SRRM4: variants seen among roughly 807,000 people sequenced by gnomAD.
SRRM4 encodes the protein serine/arginine repetitive matrix 4.
A neutral mutation model predicts 68.9 loss-of-function variants in SRRM4; 33 were observed. The observed-to-expected ratio is 0.48, with a 90% CI of 0.36 to 0.64. The LOEUF is 0.64. Among genes scored for constraint, SRRM4 ranks in the 30% least tolerant of loss-of-function variants. The pLI, the probability that SRRM4 is intolerant of heterozygous loss-of-function variation, is 0.00. For synonymous variants in SRRM4, 318 were observed against 318.8 expected (o/e 1.00, Z 0.03); for missense variants, 817 against 827.1 (o/e 0.99, Z 0.15).
At position 119,046,228 on chromosome 12, in the gene SRRM4, T is replaced by C. The variant is rs534564654; in HGVS notation, c.132-56008T>C. 7.2e-5 allele frequency among the ~76,000 whole-genome samples: 11 copies of C among 152,110 alleles called. No individual in the cohort carries two copies. The South Asian group carries it at 2.3e-3, about 32-fold the overall frequency. The stretch of plus-strand genomic sequence containing the variant: ...AGCAGTGGTCCTATCTTCACCCTCA[T>C]CAAAGAGCTTTTGCAGTGGGCCCCT... On this transcript the variant is annotated intron_variant, in intron 1 of 12. Coordinates refer to ENST00000267260, the MANE Select transcript of SRRM4 (RefSeq NM_194286.4).
chr12:119,020,309 C>T (rs1049834770), intron 1 of SRRM4, among the ~76,000 whole-genome samples: 4 of 152,098 alleles, frequency 2.6e-5, no homozygotes, highest in Admixed American at 1.3e-4. Flanking sequence ...TTTCCCTGTA[C>T]CCAACATACA....
At chr12:119,068,385 A>C (rs1321378140) in intron 1 of SRRM4, among the ~76,000 whole-genome samples, 1 of 152,190 alleles carries the variant, frequency 6.6e-6, no homozygotes, top group Non-Finnish European at 1.5e-5. Flanking sequence ...GCTGCAGGAC[A>C]AAAAGGGAGC....
intron 1 of SRRM4, among the ~76,000 whole-genome samples, chr12:119,079,773 C>T (rs1310710718): frequency 6.6e-6 from 1 of 152,134 alleles, no homozygotes; most frequent in East Asian, 1.9e-4. Flanking sequence ...ATCCTTTCCA[C>T]CCATGAAACT....
intron 1 of SRRM4, among the ~76,000 whole-genome samples, chr12:119,044,187 C>T (rs1461397700): frequency 6.6e-6 from 1 of 152,232 alleles, no homozygotes; most frequent in Non-Finnish European, 1.5e-5. Context: ...ACTTCTAACA[C>T]TAGGGTGGCA....
chr12:118,998,167 C>T (rs1953360684), intron 1 of SRRM4, among the ~76,000 whole-genome samples: 1 of 143,078 alleles, frequency 7.0e-6, no homozygotes, highest in Non-Finnish European at 1.5e-5. Context: ...GAGGAGGCTA[C>T]ATTTAACACC....
intron 8 of SRRM4, among the ~76,000 whole-genome samples, chr12:119,132,062 G>C (rs546834466): frequency 3.9e-5 from 6 of 152,130 alleles, no homozygotes; most frequent in African/African-American, 1.4e-4. Context: ...GCATAACCAA[G>C]GTCTAATTTT....
intron 1 of SRRM4, among the ~76,000 whole-genome samples, chr12:119,016,410 T>A (rs1953481266): frequency 6.6e-6 from 1 of 150,510 alleles, no homozygotes; most frequent in African/African-American, 2.5e-5. Flanking sequence ...ATGAGCAAAG[T>A]GTGGTTTTTG....
At chr12:119,090,993 C>T (rs1324932941) in intron 1 of SRRM4, among the ~76,000 whole-genome samples, 2 of 152,220 alleles carry the variant, frequency 1.3e-5, no homozygotes, top group African/African-American at 2.4e-5. Flanking sequence ...CAAGCCCAGA[C>T]CGCAGGAGCT....
At position 119,116,261 on chromosome 12, in the gene SRRM4, C is replaced by T. The variant is rs116252703; in HGVS notation, c.366-676C>T. The stretch of plus-strand genomic sequence containing the variant: ...GAGTTGGTAGTAGTCAAGATTGGAA[C>T]TTAGGTCACCTGAGCCTCAGTCTTG... On this transcript the variant is annotated intron_variant, in intron 3 of 12. Coordinates refer to ENST00000267260, the MANE Select transcript of SRRM4 (RefSeq NM_194286.4). Among the ~76,000 whole-genome samples, 1,145 of 152,308 alleles carry T rather than the reference C, an allele frequency of 7.5e-3. 23 individuals are homozygous for T. The highest frequency in any genetic ancestry group is 0.026 in the African/African-American group (1,085 of 41,564).
At chr12:119,137,242 T>C (rs1295552672) in intron 8 of SRRM4, among the ~76,000 whole-genome samples, 1 of 152,178 alleles carries the variant, frequency 6.6e-6, no homozygotes, top group African/African-American at 2.4e-5. Flanking sequence ...ATGGGGCCAT[T>C]TGAAGCTCAG....
intron 1 of SRRM4, among the ~76,000 whole-genome samples, chr12:119,080,892 G>A (rs2136031340): frequency 6.6e-6 from 1 of 152,288 alleles, no homozygotes; most frequent in African/African-American, 2.4e-5. Flanking sequence ...ATAGCCCCAT[G>A]CATAAACCCA....
intron 1 of SRRM4, among the ~76,000 whole-genome samples, chr12:118,996,984 A>G (rs940477090): frequency 6.6e-6 from 1 of 152,220 alleles, no homozygotes; most frequent in Non-Finnish European, 1.5e-5. Flanking sequence ...TGAATGAGGC[A>G]GGGGTGGAGT....
rs540043443 is a variant in SRRM4 at position 119,023,725 on chromosome 12, A to G, written c.131+41712A>G. Reference sequence around the variant, plus strand: ...ATCCAAGGTCTTGAATGATCTGGTCACTGCCTCCACCTTCTACATAAACTC... The same window carrying G: ...ATCCAAGGTCTTGAATGATCTGGTCGCTGCCTCCACCTTCTACATAAACTC... On this transcript the variant is annotated intron_variant, in intron 1 of 12. Coordinates refer to ENST00000267260, the MANE Select transcript of SRRM4 (RefSeq NM_194286.4). 1.1e-4 allele frequency among the ~76,000 whole-genome samples: 16 copies of G among 152,338 alleles called. No homozygotes were observed. In the South Asian group the frequency reaches 3.3e-3, roughly 32 times the overall value.
chr12:119,084,193 G>A (rs11612863), intron 1 of SRRM4, among the ~76,000 whole-genome samples: 5,044 of 152,232 alleles, frequency 0.033, 163 homozygotes, highest in East Asian at 0.12. Flanking sequence ...TCTGACTGCT[G>A]TAGAAGGTGA....
rs551224659 is a variant in SRRM4, at chr12:119,025,240, G to T, written c.131+43227G>T. Among the ~76,000 whole-genome samples, 6 of 151,964 alleles carry T rather than the reference G, an allele frequency of 3.9e-5. No homozygotes were observed. In the East Asian group the frequency reaches 1.2e-3, roughly 30 times the overall value. ...TAGGGGGCAATGGTATTGGGGCAGA[G>T]GATCGGGCAGTGCAAACACCAGTAT... On this transcript the variant is annotated intron_variant, in intron 1 of 12. Transcript: ENST00000267260.
At chr12:119,088,848 C>T (rs1953996092) in intron 1 of SRRM4, among the ~76,000 whole-genome samples, 1 of 152,288 alleles carries the variant, frequency 6.6e-6, no homozygotes, top group Non-Finnish European at 1.5e-5. Flanking sequence ...AGGCTATTTA[C>T]AATGAATAAT....
At position 119,157,058 on chromosome 12, in the gene SRRM4, G is replaced by C; in HGVS notation, c.*260G>C. 1 of 467,772 alleles carries C rather than the reference G, an allele frequency of 2.1e-6. No homozygotes were observed. The allele number at this position is 467,772 out of a possible 1,614,324, so 29.0% of individuals were successfully genotyped here. A position where few individuals can be genotyped will look rare whatever the true frequency, so the allele number is the denominator to read the frequency against. On this transcript the variant is annotated 3_prime_UTR_variant, in exon 13 of 13. Coordinates refer to ENST00000267260, the MANE Select transcript of SRRM4 (RefSeq NM_194286.4). The surrounding 1 kb of genome is among the most constrained non-coding windows in gnomAD (Gnocchi z 4.1). ...ACCATCATCTTGTGGCACAAAAAAA[G>C]AAGAAAGAAAAGAAAACTTCAAGGT...
chr12:119,077,789 A>G (rs1253814535), intron 1 of SRRM4, among the ~76,000 whole-genome samples: 1 of 152,210 alleles, frequency 6.6e-6, no homozygotes, highest in Non-Finnish European at 1.5e-5. Context: ...CAATGAATGA[A>G]CAAATGAAGG....
intron 1 of SRRM4, among the ~76,000 whole-genome samples, chr12:118,993,269 C>T (rs986876474): frequency 6.6e-6 from 1 of 152,164 alleles, no homozygotes; most frequent in African/African-American, 2.4e-5. Context: ...ATGGTGTGAC[C>T]GTCTTTAATC....
Sources: allele counts gnomAD v4.1 joint callset (sites outside exome capture counted in the v4.1 genomes callset), GRCh38; gene constraint gnomAD v4.1.1; non-coding constraint Gnocchi (gnomAD v3.1); transcripts MANE v1.5; gene names NCBI Gene and HGNC (gene_info 2026-07-23, HGNC 2026-07-21).